MYO3B: variants seen among roughly 807,000 people sequenced by gnomAD.
MYO3B encodes the protein myosin-IIIb.
A neutral mutation model predicts 174.6 loss-of-function variants in MYO3B; 156 were observed. That is an observed-to-expected ratio of 0.89 (90% CI 0.78 to 1.02). The LOEUF is 1.02. Ranked by LOEUF, MYO3B falls within the 50% of genes least tolerant of loss-of-function variation. MYO3B has a pLI of 0.00. For missense variants in MYO3B, 1,632 were observed against 1,639.4 expected (o/e 1.00, Z 0.08); for synonymous variants, 563 against 569.1 (o/e 0.99, Z 0.15).
At chr2:170,252,787 T>C (rs536959428) in intron 7 of MYO3B, among the ~76,000 whole-genome samples, 1 of 152,166 alleles carries the variant, frequency 6.6e-6, no homozygotes, top group Non-Finnish European at 1.5e-5. Context: ...TGAAGAAAAA[T>C]GTCTCAAGGG....
At chr2:170,498,378 G>A (rs1283006335) in intron 25 of MYO3B, among the ~76,000 whole-genome samples, 1 of 152,138 alleles carries the variant, frequency 6.6e-6, no homozygotes, top group Non-Finnish European at 1.5e-5. Flanking sequence ...AACATTAAAA[G>A]GGAAGTAAAT....
At chr2:170,543,480 TA>T (rs1183684621) in intron 31 of MYO3B, among the ~76,000 whole-genome samples, 2 of 152,144 alleles carry the variant, frequency 1.3e-5, no homozygotes, top group African/African-American at 2.4e-5. Flanking sequence ...TATGTAAGAT[TA>T]AAAAAACAAA....
intron 32 of MYO3B, among the ~76,000 whole-genome samples, chr2:170,574,975 C>T (rs181367965): frequency 7.6e-4 from 116 of 152,188 alleles, no homozygotes; most frequent in African/African-American, 2.6e-3. Flanking sequence ...TAGAAGAGTG[C>T]AGGGAGATGA....
intron 6 of MYO3B, among the ~76,000 whole-genome samples, chr2:170,231,435 GGT>G (rs1479708541): frequency 2.0e-5 from 3 of 152,218 alleles, no homozygotes; most frequent in Non-Finnish European, 4.4e-5. Flanking sequence ...CCCACTGCTA[GGT>G]AAAATAGCTA....
intron 3 of MYO3B, among the ~76,000 whole-genome samples, chr2:170,212,944 C>T (rs971805216): frequency 2.0e-5 from 3 of 152,222 alleles, no homozygotes; most frequent in Non-Finnish European, 4.4e-5. Flanking sequence ...AGGCGTTTGG[C>T]TATCTCAGTA....
chr2:170,384,872 G>A (rs1202912819), intron 12 of MYO3B, among the ~76,000 whole-genome samples: 3 of 152,074 alleles, frequency 2.0e-5, no homozygotes, highest in East Asian at 3.9e-4. Flanking sequence ...CAGATTAAGC[G>A]ATTAGTGCCA....
intron 19 of MYO3B, among the ~76,000 whole-genome samples, chr2:170,403,651 C>T (rs1194005255): frequency 6.6e-6 from 1 of 152,166 alleles, no homozygotes; most frequent in Non-Finnish European, 1.5e-5. Flanking sequence ...GGCTAAGCCT[C>T]TTCGATGCAG....
chr2:170,407,213 G>C (rs544116537), intron 21 of MYO3B, among the ~76,000 whole-genome samples: 1 of 152,256 alleles, frequency 6.6e-6, no homozygotes, highest in South Asian at 2.1e-4. Context: ...TGTAATCCCA[G>C]CACTTTGGGA....
intron 22 of MYO3B, among the ~76,000 whole-genome samples, chr2:170,431,580 A>G: frequency 6.6e-6 from 1 of 152,256 alleles, no homozygotes; most frequent in East Asian, 1.9e-4. Context: ...TTCTTTAAGC[A>G]AATAGTGTAA....
intron 3 of MYO3B, among the ~76,000 whole-genome samples, chr2:170,207,506 A>G (rs1181294465): frequency 6.6e-6 from 1 of 152,110 alleles, no homozygotes; most frequent in East Asian, 1.9e-4. Flanking sequence ...CCTTTCTGCC[A>G]TCGTGTCAGG....
intron 7 of MYO3B, among the ~76,000 whole-genome samples, chr2:170,249,621 T>C (rs10168221): frequency 0.37 from 55,833 of 152,096 alleles, 11,623 homozygotes; most frequent in South Asian, 0.59. Flanking sequence ...TGCTTTCCTA[T>C]TACTAAGTAT....
chr2:170,393,721 T>C (rs933486822), intron 16 of MYO3B, among the ~76,000 whole-genome samples: 1 of 152,206 alleles, frequency 6.6e-6, no homozygotes, highest in African/African-American at 2.4e-5. Flanking sequence ...GCATGGTTGA[T>C]TTTAATCATA....
At chr2:170,603,771 TA>T (rs1379018363) in intron 32 of MYO3B, among the ~76,000 whole-genome samples, 5 of 152,214 alleles carry the variant, frequency 3.3e-5, no homozygotes, top group African/African-American at 1.2e-4. Context: ...CTTGTTAACA[TA>T]ATGGCACATC....
At chr2:170,392,645 A>G (rs2094419998) in intron 16 of MYO3B, 150 bp downstream of exon 16, 1 of 481,980 alleles carries the variant, frequency 2.1e-6, no homozygotes, top group Non-Finnish European at 3.6e-6. Context: ...GTGTGGTCCC[A>G]GGACCAGAAA....
At chr2:170,386,455 C>T (rs998828873) in intron 13 of MYO3B, among the ~76,000 whole-genome samples, 183 bp downstream of exon 13, 40 of 151,962 alleles carry the variant, frequency 2.6e-4, no homozygotes, top group African/African-American at 9.2e-4. Flanking sequence ...CCTTCCTTCA[C>T]GTAGGGAGGA....
chr2:170,644,012 C>T (rs1698179964), intron 32 of MYO3B: 1 of 152,074 alleles, frequency 6.6e-6, no homozygotes, highest in South Asian at 2.1e-4. Context: ...CATGTGTAGC[C>T]AAAATAGCTG....
intron 8 of MYO3B, among the ~76,000 whole-genome samples, chr2:170,357,508 T>A (rs1164549962): frequency 2.6e-5 from 4 of 151,808 alleles, no homozygotes; most frequent in Non-Finnish European, 5.9e-5. Context: ...TTCTAATTCC[T>A]ATTAGATTCC....
intron 12 of MYO3B, 31 bp downstream of exon 12, chr2:170,383,845 C>A: frequency 6.5e-7 from 1 of 1,540,452 alleles, no homozygotes; most frequent in South Asian, 1.1e-5. Flanking sequence ...CCTACGGAGT[C>A]ACCCAGTTAA....
chr2:170,333,831 T>C (rs2093928497), intron 7 of MYO3B: 1 of 152,242 alleles, frequency 6.6e-6, no homozygotes, highest in South Asian at 2.1e-4. Flanking sequence ...GTGCTTCTAG[T>C]ATATCACTTA....
Sources: gnomAD v4.1 joint callset for allele counts (sites outside exome capture counted in the v4.1 genomes callset) on GRCh38, gnomAD v4.1.1 for gene constraint, MANE v1.5 for transcripts, NCBI Gene and HGNC (gene_info 2026-07-23, HGNC 2026-07-21) for gene names.